PRKACB: variants seen among roughly 807,000 people sequenced by gnomAD.
PRKACB encodes cAMP-dependent protein kinase catalytic subunit beta.
PRKACB carries 16 observed loss-of-function variants against 51.4 expected under a neutral mutation model. The ratio of observed to expected loss-of-function variants is 0.31; its 90% CI spans 0.21 to 0.47. The LOEUF is 0.47. Ranked by LOEUF, PRKACB falls within the 20% of genes least tolerant of loss-of-function variation. The probability of loss-of-function intolerance (pLI) is 1.00; values close to 1 mark genes in which losing one functional copy is unlikely to be tolerated. For synonymous variants in PRKACB, 147 were observed against 154.4 expected (o/e 0.95, Z 0.35); for missense variants, 309 against 464.5 (o/e 0.67, Z 3.08).
chr1:84,114,550 A>T (rs1650481068), intron 1 of PRKACB, among the ~76,000 whole-genome samples: 1 of 152,052 alleles, frequency 6.6e-6, no homozygotes, highest in Non-Finnish European at 1.5e-5. Flanking sequence ...GGGTATTTAG[A>T]GTGTCAGTCA....
chr1:84,166,606 G>T (rs369478490), intron 1 of PRKACB, among the ~76,000 whole-genome samples: 1 of 151,600 alleles, frequency 6.6e-6, no homozygotes, highest in African/African-American at 2.4e-5. Flanking sequence ...AATTTCAACT[G>T]ATTTTAATCA....
intron 1 of PRKACB, among the ~76,000 whole-genome samples, chr1:84,114,482 A>T (rs991567703): frequency 1.3e-5 from 2 of 152,070 alleles, no homozygotes; most frequent in African/African-American, 4.8e-5. Context: ...TTATTTTTAC[A>T]AATGTATGGT....
chr1:84,200,111 T>G (rs1023215455), intron 7 of PRKACB, among the ~76,000 whole-genome samples: 25 of 151,930 alleles, frequency 1.6e-4, no homozygotes, highest in African/African-American at 5.6e-4. Flanking sequence ...CCTCTCAAAG[T>G]GCTGGGATTA....
At chr1:84,121,274 A>G (rs942764716) in intron 1 of PRKACB, among the ~76,000 whole-genome samples, 2 of 151,884 alleles carry the variant, frequency 1.3e-5, no homozygotes, top group Admixed American at 6.6e-5. Flanking sequence ...TCTCCTCTTT[A>G]TAATCTCTTT....
chr1:84,204,011 T>C (rs1670879169), intron 8 of PRKACB, among the ~76,000 whole-genome samples: 1 of 151,956 alleles, frequency 6.6e-6, no homozygotes, highest in African/African-American at 2.4e-5. Context: ...TCTAATGTGG[T>C]AATTTATTTT....
chr1:84,098,082 A>G (rs1239937265), intron 1 of PRKACB, among the ~76,000 whole-genome samples: 1 of 152,064 alleles, frequency 6.6e-6, no homozygotes, highest in Non-Finnish European at 1.5e-5. Context: ...TGTTTCCCTG[A>G]TGATTAATCA....
At chr1:84,160,145 T>G (rs987112931) in intron 1 of PRKACB, among the ~76,000 whole-genome samples, 7 of 152,106 alleles carry the variant, frequency 4.6e-5, no homozygotes, top group Non-Finnish European at 1.0e-4. Context: ...TGGTATTATC[T>G]TTGAATGTTT....
chr1:84,125,971 C>A (rs1449518479), intron 1 of PRKACB, among the ~76,000 whole-genome samples: 1 of 151,942 alleles, frequency 6.6e-6, no homozygotes, highest in Non-Finnish European at 1.5e-5. Flanking sequence ...AGCTCTCATC[C>A]CCTCACGGGA....
intron 1 of PRKACB, among the ~76,000 whole-genome samples, chr1:84,108,894 T>A (rs538217507): frequency 2.3e-3 from 352 of 152,204 alleles, no homozygotes; most frequent in African/African-American, 8.3e-3. Context: ...AATAAGTGTA[T>A]GGAACTAATT....
intron 1 of PRKACB, among the ~76,000 whole-genome samples, chr1:84,172,856 C>CAT (rs1447761345): frequency 6.6e-6 from 1 of 151,490 alleles, no homozygotes; most frequent in South Asian, 2.1e-4. Context: ...TCCAAATACT[C>CAT]ATATATATGT....
intron 1 of PRKACB, among the ~76,000 whole-genome samples, chr1:84,135,889 C>T (rs1652755297): frequency 6.7e-6 from 1 of 148,326 alleles, no homozygotes; most frequent in Non-Finnish European, 1.5e-5. Flanking sequence ...CCAATGCAAG[C>T]AAAAGAAAAG....
intron 9 of PRKACB, among the ~76,000 whole-genome samples, chr1:84,214,793 C>T (rs547060485): frequency 6.6e-6 from 1 of 152,242 alleles, no homozygotes; most frequent in South Asian, 2.1e-4. Context: ...TCACACCTGG[C>T]CTTACCTAGC....
At chr1:84,225,134 A>G (rs1279077393) in intron 9 of PRKACB, among the ~76,000 whole-genome samples, 1 of 152,138 alleles carries the variant, frequency 6.6e-6, no homozygotes, top group African/African-American at 2.4e-5. Flanking sequence ...GTGCACACAG[A>G]TACAGACTCT....
intron 1 of PRKACB, among the ~76,000 whole-genome samples, chr1:84,111,988 GGA>G (rs1320082507): frequency 6.6e-6 from 1 of 151,908 alleles, no homozygotes; most frequent in African/African-American, 2.4e-5. Flanking sequence ...TTATGTCCCT[GGA>G]AATAATTACA....
At chr1:84,114,695 G>A (rs116150069) in intron 1 of PRKACB, among the ~76,000 whole-genome samples, 1,700 of 152,124 alleles carry the variant, frequency 0.011, 41 homozygotes, top group African/African-American at 0.039. Context: ...CTCCGTCCTA[G>A]TCAGCCTTCC....
intron 1 of PRKACB, among the ~76,000 whole-genome samples, chr1:84,100,282 C>T (rs1339297265): frequency 1.3e-5 from 2 of 152,128 alleles, no homozygotes; most frequent in African/African-American, 4.8e-5. Flanking sequence ...CCAATCACTT[C>T]CCACTGGGTC....
At chr1:84,167,322 A>T (rs1417806189) in intron 1 of PRKACB, among the ~76,000 whole-genome samples, 1 of 151,630 alleles carries the variant, frequency 6.6e-6, no homozygotes, top group East Asian at 1.9e-4. Context: ...TTATTAGGTC[A>T]CATGCAATCA....
chr1:84,185,753 G>A (rs1482546415), intron 5 of PRKACB, among the ~76,000 whole-genome samples: 1 of 151,938 alleles, frequency 6.6e-6, no homozygotes, highest in African/African-American at 2.4e-5. Flanking sequence ...GAATCTGATG[G>A]TTTTACCTGT....
intron 1 of PRKACB, chr1:84,165,077 A>G: frequency 7.7e-7 from 1 of 1,297,820 alleles, no homozygotes; most frequent in Non-Finnish European, 1.1e-6. Flanking sequence ...AGAGGAAAAA[A>G]TATTTTTAAA....
Sources: gnomAD v4.1 joint callset for allele counts (sites outside exome capture counted in the v4.1 genomes callset) on GRCh38, gnomAD v4.1.1 for gene constraint, MANE v1.5 for transcripts, NCBI Gene and HGNC (gene_info 2026-07-23, HGNC 2026-07-21) for gene names.